Variants in FGF12 observed in about 807,000 individuals in gnomAD.
The protein encoded by FGF12 is fibroblast growth factor 12, also known as fibroblast growth factor 12B.
In FGF12, 14 loss-of-function variants were observed where a neutral mutation model predicts 23.6. That is an observed-to-expected ratio of 0.59 (90% confidence interval 0.39 to 0.93). FGF12 has a LOEUF of 0.93. Ranked by LOEUF, FGF12 falls within the 40% of genes least tolerant of loss-of-function variation. The pLI is 0.00. For synonymous variants in FGF12, 62 were observed against 77.3 expected (o/e 0.80, Z 1.04); for missense variants, 175 against 217.8 (o/e 0.80, Z 1.24).
intron 2 of FGF12, among the ~76,000 whole-genome samples, chr3:192,386,034 G>A (rs1720026876): frequency 6.6e-6 from 1 of 152,172 alleles, no homozygotes; most frequent in Non-Finnish European, 1.5e-5. Flanking sequence ...GCTCAGAAAG[G>A]TTAAGCAACT....
intron 5 of FGF12, among the ~76,000 whole-genome samples, chr3:192,148,875 TCCATTTAG>T (rs1713878730): frequency 6.6e-6 from 1 of 152,186 alleles, no homozygotes; most frequent in Non-Finnish European, 1.5e-5. Flanking sequence ...TAGTATAGCA[TCCATTTAG>T]CCATATGTGG....
chr3:192,509,786 C>A (rs1231816791), intron 2 of FGF12, among the ~76,000 whole-genome samples: 1 of 152,100 alleles, frequency 6.6e-6, no homozygotes, highest in Non-Finnish European at 1.5e-5. Flanking sequence ...ATCAATACAT[C>A]TATTTATTAT....
intron 2 of FGF12, among the ~76,000 whole-genome samples, chr3:192,529,881 T>C (rs1725044573): frequency 6.6e-6 from 1 of 152,150 alleles, no homozygotes; most frequent in Non-Finnish European, 1.5e-5. Context: ...CATATGGGAA[T>C]TCAAGATGAG....
chr3:192,503,243 A>T (rs1216666286), intron 2 of FGF12, among the ~76,000 whole-genome samples: 1 of 152,210 alleles, frequency 6.6e-6, no homozygotes, highest in Non-Finnish European at 1.5e-5. Flanking sequence ...CTTTTTAGTC[A>T]CAGGTTAATG....
At chr3:192,626,337 T>TC (rs1560173619) in intron 2 of FGF12, among the ~76,000 whole-genome samples, 1 of 152,216 alleles carries the variant, frequency 6.6e-6, no homozygotes, top group African/African-American at 2.4e-5. Flanking sequence ...CGCTTTTTTT[T>TC]CTGCTCTTCA....
Position 192,322,263 on chromosome 3 carries a change from G to A in FGF12, c.228+13098C>T, listed in dbSNP as rs566686098. On this transcript the variant is annotated intron_variant, in intron 4 of 5. Transcript: ENST00000445105. The stretch of plus-strand genomic sequence containing the variant: ...ATACCTAGGAATTACCTTAACCAAA[G>A]AAGTGAAAGAACTCTACAATAAAAA... Among the ~76,000 whole-genome samples, 9 of 152,008 alleles carry A rather than the reference G, an allele frequency of 5.9e-5. No individual in the cohort carries two copies. In the East Asian group the frequency reaches 1.5e-3, roughly 26 times the overall value.
chr3:192,701,507 T>C (rs938581273), intron 2 of FGF12, among the ~76,000 whole-genome samples: 2 of 152,146 alleles, frequency 1.3e-5, no homozygotes, highest in Admixed American at 6.5e-5. Context: ...TAATTATTTT[T>C]CAAAGAATTC....
At chr3:192,427,444 C>T (rs976341516) in intron 2 of FGF12, among the ~76,000 whole-genome samples, 3 of 151,404 alleles carry the variant, frequency 2.0e-5, no homozygotes, top group South Asian at 2.1e-4. Flanking sequence ...TCATGATGTA[C>T]GTAGTAGTGC....
Position 192,615,224 on chromosome 3 carries a change from A to G in FGF12, c.13+111957T>C, listed in dbSNP as rs527312210. On this transcript the variant is annotated intron_variant, in intron 2 of 5. Transcript: ENST00000445105. ...AAAAAAATTTTAAAGAGATTATACA[A>G]TCTCAGTGTTATGCCAAGATAAACA... is the stretch of plus-strand genomic sequence containing the variant. Among the ~76,000 whole-genome samples, 931 of 152,100 alleles carry G rather than the reference A, an allele frequency of 6.1e-3. 8 individuals are homozygous for G. Among genetic ancestry groups the G allele is most frequent in the South Asian group, 0.017 (82 of 4,828 alleles).
At chr3:192,629,776 T>A (rs1284303913) in intron 2 of FGF12, among the ~76,000 whole-genome samples, 1 of 152,212 alleles carries the variant, frequency 6.6e-6, no homozygotes, top group African/African-American at 2.4e-5. Context: ...TAGTCTCATC[T>A]CCATTCCTAC....
chr3:192,427,374 G>A (rs1296953000), intron 2 of FGF12, among the ~76,000 whole-genome samples: 1 of 110,322 alleles, frequency 9.1e-6, no homozygotes, highest in Non-Finnish European at 1.9e-5. Flanking sequence ...GCAGGACTCC[G>A]TCTCTGAAAA....
At chr3:192,239,646 C>T (rs1560029482) in intron 4 of FGF12, among the ~76,000 whole-genome samples, 1 of 152,212 alleles carries the variant, frequency 6.6e-6, no homozygotes, top group Non-Finnish European at 1.5e-5. Context: ...CTCATAGGAG[C>T]ATGAACCCTA....
chr3:192,231,253 G>GA (rs1368929166), intron 4 of FGF12, among the ~76,000 whole-genome samples: 1 of 151,956 alleles, frequency 6.6e-6, no homozygotes. Context: ...TGGAAAATCT[G>GA]AAAATGCCTA....
rs367644969 is a variant in FGF12 at position 192,503,692 on chromosome 3, G to T, written c.14-143154C>A. ...GCAATCTCGGCTCACTGCAAGCTCT[G>T]CCTCCCAGGTTCATGCCATTCTCCT... On this transcript the variant is annotated intron_variant, in intron 2 of 5. Transcript: ENST00000445105. Among the ~76,000 whole-genome samples, 7 of 145,324 alleles carry T rather than the reference G, an allele frequency of 4.8e-5. No homozygotes were observed. In the East Asian group the frequency reaches 1.2e-3, roughly 26 times the overall value.
chr3:192,544,093 T>C (rs1725437218), intron 2 of FGF12, among the ~76,000 whole-genome samples: 1 of 152,198 alleles, frequency 6.6e-6, no homozygotes, highest in African/African-American at 2.4e-5. Flanking sequence ...GCTGGTCTCA[T>C]TGCTCCCTCC....
chr3:192,357,417 G>A (rs1718521464), intron 3 of FGF12, among the ~76,000 whole-genome samples: 2 of 149,270 alleles, frequency 1.3e-5, no homozygotes. Flanking sequence ...GGGAGTCAGA[G>A]TTTGTACTGA....
chr3:192,296,742 C>T (rs563471314), intron 4 of FGF12, among the ~76,000 whole-genome samples: 7 of 151,814 alleles, frequency 4.6e-5, no homozygotes, highest in South Asian at 2.1e-4. Flanking sequence ...TTTTACAATC[C>T]CTTAAGAAAT....
At chr3:192,621,484 G>A (rs1344306340) in intron 2 of FGF12, among the ~76,000 whole-genome samples, 3 of 151,990 alleles carry the variant, frequency 2.0e-5, no homozygotes, top group Non-Finnish European at 4.4e-5. Context: ...AAAATATGGA[G>A]TCCCTCACTT....
chr3:192,309,721 A>G (rs1250345091), intron 4 of FGF12, among the ~76,000 whole-genome samples: 1 of 152,210 alleles, frequency 6.6e-6, no homozygotes, highest in East Asian at 1.9e-4. Flanking sequence ...GACTGAGTGC[A>G]TGGAAAGTTG....
Sources: allele counts gnomAD v4.1 joint callset (sites outside exome capture counted in the v4.1 genomes callset), GRCh38; gene constraint gnomAD v4.1.1; transcripts MANE v1.5; gene names NCBI Gene and HGNC (gene_info 2026-07-23, HGNC 2026-07-21).